CYLD: variants seen among roughly 807,000 people sequenced by gnomAD.
CYLD encodes CYLD lysine 63 deubiquitinase.
Under a neutral mutation model 104.5 loss-of-function variants are expected in CYLD, and 26 were observed. The observed-to-expected ratio is 0.25, with a 90% CI of 0.18 to 0.35. The LOEUF is 0.35. Ranked by LOEUF, CYLD falls within the 10% of genes least tolerant of loss-of-function variation. The pLI is 1.00. For synonymous variants in CYLD, 385 were observed against 399.9 expected (o/e 0.96, Z 0.45); for missense variants, 703 against 1,136.1 (o/e 0.62, Z 5.48).
rs1041866012 is a variant in CYLD at position 50,799,022 on chromosome 16, C to T, written c.*2514C>T. The T allele has an allele frequency of 4.3e-6, 1 of 233,462 alleles. No individual in the cohort carries two copies. Among genetic ancestry groups the T allele is most frequent in the Non-Finnish European group, 8.5e-6 (1 of 118,086 alleles). The allele number at this position is 233,462 out of a possible 1,614,324, so 14.5% of individuals were successfully genotyped here. On this transcript the variant is annotated 3_prime_UTR_variant, in exon 19 of 19. Coordinates refer to ENST00000427738, the MANE Select transcript of CYLD (RefSeq NM_001378743.1). The stretch of plus-strand genomic sequence containing the variant: ...CCCCCTACTGTTCTGTGCTTCAGCA[C>T]AGCCTGGTTTGTCAAGAGGCACATA...
At chr16:50,769,185 C>T (rs1968845526) in intron 5 of CYLD, among the ~76,000 whole-genome samples, 1 of 152,054 alleles carries the variant, frequency 6.6e-6, no homozygotes, top group Non-Finnish European at 1.5e-5. Flanking sequence ...GCCTTCATTT[C>T]ACTTGGGTAC....
rs528129289 is a variant in CYLD, at chr16:50,782,260, G to A, written c.1685-65G>A. ...TTTTAAAATGAAAAAATATTTATGG[G>A]AATACATATTGTAATAGTTTAAAAG... On this transcript the variant is annotated intron_variant, in intron 10 of 18. Coordinates refer to ENST00000427738, the MANE Select transcript of CYLD (RefSeq NM_001378743.1). 7 of 1,213,000 alleles carry A rather than the reference G, an allele frequency of 5.8e-6. No individual in the cohort carries two copies. The African/African-American group carries it at 9.3e-5, about 16-fold the overall frequency. The allele number at this position is 1,213,000 out of a possible 1,614,324, so 75.1% of individuals were successfully genotyped here.
intron 14 of CYLD, among the ~76,000 whole-genome samples, chr16:50,789,007 A>C (rs1417809940): frequency 1.3e-5 from 2 of 152,240 alleles, no homozygotes; most frequent in Non-Finnish European, 2.9e-5. Context: ...AGATCTTAAC[A>C]TACTTCAGGA....
chr16:50,768,520 G>A (rs1308395035), intron 5 of CYLD, among the ~76,000 whole-genome samples: 1 of 152,196 alleles, frequency 6.6e-6, no homozygotes, highest in Non-Finnish European at 1.5e-5. Flanking sequence ...CTAGTCAATT[G>A]CTTGTAATAG....
chr16:50,757,568 G>A (rs1251823284), intron 5 of CYLD, among the ~76,000 whole-genome samples: 2 of 151,130 alleles, frequency 1.3e-5, no homozygotes, highest in Non-Finnish European at 1.5e-5. Flanking sequence ...ACGGGGTCTC[G>A]CTTTGTCGCC....
intron 5 of CYLD, 66 bp from the exon 6 acceptor site, chr16:50,775,100 T>A: frequency 1.4e-6 from 2 of 1,401,710 alleles, no homozygotes. Context: ...AATGTAAAAA[T>A]TTTCCTATTT....
intron 16 of CYLD, among the ~76,000 whole-genome samples, chr16:50,792,918 C>G (rs1971568177): frequency 6.6e-6 from 1 of 151,978 alleles, no homozygotes; most frequent in Non-Finnish European, 1.5e-5. Context: ...TGCAAATATA[C>G]TTATTATTAT....
At position 50,799,681 on chromosome 16, in the gene CYLD, A is replaced by G. The variant is rs1435602035; in HGVS notation, c.*3173A>G. On this transcript the variant is annotated 3_prime_UTR_variant, in exon 19 of 19. Coordinates refer to ENST00000427738, the MANE Select transcript of CYLD (RefSeq NM_001378743.1). ...TAGTATGGAAGATTAAGATTCCATT[A>G]ATCTTATAGAACTGTGTTGTCACCC... is the stretch of plus-strand genomic sequence containing the variant. 4.3e-5 allele frequency: 10 copies of G among 233,420 alleles called. No individual in the cohort carries two copies. The highest frequency in any genetic ancestry group is 8.5e-5 in the Non-Finnish European group (10 of 117,968). The allele number at this position is 233,420 out of a possible 1,614,324, so 14.5% of individuals were successfully genotyped here.
intron 2 of CYLD, among the ~76,000 whole-genome samples, chr16:50,743,616 A>G (rs1189279375): frequency 2.0e-5 from 3 of 152,186 alleles, no homozygotes; most frequent in Non-Finnish European, 4.4e-5. Context: ...ACACAGGGAG[A>G]GAGAAAGGAA....
intron 5 of CYLD, among the ~76,000 whole-genome samples, chr16:50,758,257 G>A (rs904753885): frequency 1.3e-5 from 2 of 152,268 alleles, no homozygotes; most frequent in East Asian, 1.9e-4. Context: ...TGTGGATTCC[G>A]AGGGAGAGCC....
chr16:50,769,726 A>G (rs1968940032), intron 5 of CYLD, among the ~76,000 whole-genome samples: 1 of 152,168 alleles, frequency 6.6e-6, no homozygotes, highest in African/African-American at 2.4e-5. Context: ...TGACCCTGAT[A>G]CAATCAAGAA....
chr16:50,752,025 TTATA>T (rs1311906792), intron 4 of CYLD, 119 bp downstream of exon 4: 4 of 287,334 alleles, frequency 1.4e-5, no homozygotes, highest in East Asian at 1.6e-4. Flanking sequence ...TATGTATAGT[TTATA>T]TATATATGTA....
intron 5 of CYLD, among the ~76,000 whole-genome samples, chr16:50,767,658 G>T (rs756349639): frequency 4.6e-5 from 7 of 152,044 alleles, no homozygotes; most frequent in Non-Finnish European, 8.8e-5. Flanking sequence ...CATTAGTTTA[G>T]TATTATAATT....
rs376210892 is a variant in CYLD, at chr16:50,754,287, G to A, written c.808-32G>A. The A allele has an allele frequency of 3.0e-6, 4 of 1,344,318 alleles. No homozygotes were observed. The African/African-American group carries it at 5.7e-5, about 19-fold the overall frequency. 83.3% of individuals were successfully genotyped at this position (1,344,318 alleles called of 1,614,324 possible). ...ACTTCCACATTTACATTTCATTGAG[G>A]AGGATTTTAATGTTTATTATTTAAT... On this transcript the variant is annotated intron_variant, in intron 4 of 18. Transcript: ENST00000427738.
intron 11 of CYLD, among the ~76,000 whole-genome samples, chr16:50,783,122 G>C (rs1405945661): frequency 1.3e-5 from 2 of 151,832 alleles, no homozygotes; most frequent in East Asian, 3.9e-4. Context: ...GTAGAGACGG[G>C]GGTTTCACCA....
chr16:50,753,860 A>T (rs1230047965), intron 4 of CYLD, among the ~76,000 whole-genome samples: 1 of 152,264 alleles, frequency 6.6e-6, no homozygotes, highest in Non-Finnish European at 1.5e-5. Flanking sequence ...ACAGAAAGGC[A>T]TACAGAAGTT....
intron 5 of CYLD, among the ~76,000 whole-genome samples, chr16:50,762,153 T>G (rs890780598): frequency 1.3e-5 from 2 of 152,000 alleles, no homozygotes; most frequent in Non-Finnish European, 1.5e-5. Context: ...CAACCTCCCA[T>G]CATCCACCCC....
chr16:50,754,901 A>G (rs989712580), intron 5 of CYLD, among the ~76,000 whole-genome samples: 1 of 149,622 alleles, frequency 6.7e-6, no homozygotes, highest in African/African-American at 2.5e-5. Flanking sequence ...ATATATACAT[A>G]TACACACATA....
At chr16:50,780,461 T>C (rs1970113120) in intron 9 of CYLD, among the ~76,000 whole-genome samples, 1 of 152,166 alleles carries the variant, frequency 6.6e-6, no homozygotes, top group Non-Finnish European at 1.5e-5. Context: ...GTTTTCCCTT[T>C]AGAGATCAGG....
Sources: gnomAD v4.1 joint callset for allele counts (sites outside exome capture counted in the v4.1 genomes callset) on GRCh38, gnomAD v4.1.1 for gene constraint, MANE v1.5 for transcripts, NCBI Gene and HGNC (gene_info 2026-07-23, HGNC 2026-07-21) for gene names.